The following MFSD12 variants were observed in gnomAD, a reference collection of about 807,000 sequenced individuals.
MFSD12 encodes major facilitator superfamily domain containing 12, also known as major facilitator superfamily domain-containing protein 12.
MFSD12 carries 67 observed loss-of-function variants against 51.2 expected under a neutral mutation model. The observed-to-expected ratio is 1.31, with a 90% CI of 1.08 to 1.60. The LOEUF is 1.60. Among genes scored for constraint, MFSD12 ranks in the 40% most tolerant of loss-of-function variants. The pLI is 0.00. For missense variants in MFSD12, 921 were observed against 673.0 expected (o/e 1.37, Z -4.08); for synonymous variants, 441 against 316.7 (o/e 1.39, Z -4.17).
At chr19:3,543,666 G>A (rs376127420), downstream of MFSD12, 58 of 1,539,964 alleles carry the variant, frequency 3.8e-5, 1 homozygote, top group East Asian at 4.4e-4. Flanking sequence ...AGGCCAATCC[G>A]GGGCAAGGAA....
chr19:3,552,786 T>C (rs1568261974), intron 1 of MFSD12, among the ~76,000 whole-genome samples: 1 of 152,160 alleles, frequency 6.6e-6, no homozygotes, highest in Non-Finnish European at 1.5e-5. Flanking sequence ...TACCGGCTGT[T>C]ACTTCAGTAT....
downstream of MFSD12, among the ~76,000 whole-genome samples, chr19:3,540,414 T>C (rs528370299): frequency 1.4e-4 from 21 of 151,704 alleles, no homozygotes; most frequent in Middle Eastern, 3.4e-3. Context: ...TGCGCTACCA[T>C]GCCCAGCTAA....
rs201569695 is a variant in MFSD12 at position 3,551,183 on chromosome 19, C to T, written c.310G>A (p.Val104Ile). Residue 104 changes from valine to isoleucine, a missense_variant, in exon 2 of 10, where the codon GTC becomes ATC. Val to Ile is a conservative substitution (Grantham distance 29). Coordinates refer to ENST00000355415, the MANE Select transcript of MFSD12 (RefSeq NM_174983.5). The surrounding 1 kb of genome is among the most constrained non-coding windows in gnomAD (Gnocchi z 4.6). ...KAWHLVGTVC[V>I]LLSFPFIFSP... ...AAGATGAAGGGGAAGGACAGCAGGACGCAGACGGTGCCTGTGGAAGGCAGA... is the reference window on the plus strand; with the variant it reads ...AAGATGAAGGGGAAGGACAGCAGGATGCAGACGGTGCCTGTGGAAGGCAGA... 5.6e-5 allele frequency: 90 copies of T among 1,607,108 alleles called. No homozygotes were observed. The highest frequency in any genetic ancestry group is 7.3e-5 in the Non-Finnish European group (86 of 1,177,104).
downstream of MFSD12, chr19:3,542,261 G>C: frequency 2.0e-6 from 2 of 985,378 alleles, no homozygotes; most frequent in Non-Finnish European, 2.4e-6. Flanking sequence ...AACTGACCAG[G>C]CTACTCCCAT....
In MFSD12 at chr19:3,539,175, G is replaced by A. The variant is rs1036241370; in HGVS notation, c.*6-419C>T. ...GGCAGGAGCCCGGGGGATCCAGGCAGACATGCAAACCCTCAGGCAAGAGGC... is the reference window on the plus strand; with the variant it reads ...GGCAGGAGCCCGGGGGATCCAGGCAAACATGCAAACCCTCAGGCAAGAGGC... On this transcript the variant is annotated intron_variant, in intron 4 of 4. Transcript: ENST00000398558. 3.9e-6 allele frequency: 6 copies of A among 1,549,464 alleles called. No individual in the cohort carries two copies. In the East Asian group the frequency reaches 1.5e-4, roughly 38 times the overall value.
chr19:3,539,222 G>A (rs573806279), downstream of MFSD12: 497 of 1,550,630 alleles, frequency 3.2e-4, 3 homozygotes, highest in South Asian at 2.9e-3. Context: ...GTATCCCCTC[G>A]GGGACCCTCG....
Position 3,546,367 on chromosome 19 carries a change from G to A in MFSD12, c.1082C>T (p.Ala361Val), listed in dbSNP as rs569176426. ...ILAFAAWVALAEGLGVAVYAA... is the reference protein window; with the variant it reads ...ILAFAAWVALVEGLGVAVYAA... ...GTACACGGCCACACCCAGTCCCTCC[G>A]CCAGCGCCACCCAGGCGGCAAAGGC... is the stretch of plus-strand genomic sequence containing the variant. Residue 361 changes from alanine (A) to valine (V), a missense_variant, in exon 7 of 10, where the codon GCG becomes GTG. Ala to Val is a moderately conservative substitution (Grantham distance 64). Transcript: ENST00000355415. 6.9e-5 allele frequency: 111 copies of A among 1,607,684 alleles called. No homozygotes were observed. Among genetic ancestry groups the A allele is most frequent in the East Asian group, 3.1e-4 (14 of 44,622 alleles).
rs779031330 is a variant in MFSD12 at position 3,544,820 on chromosome 19, CGGGTCGG to C, written c.1402_1408del (p.Pro468AlafsTer14). On this transcript the variant is annotated frameshift_variant, in exon 9 of 10. Transcript: ENST00000355415. LOFTEE classifies it high-confidence loss of function. Reference sequence around the variant, plus strand: ...GGGCCAGGACTCACAGCGTCGCAGGCGGGTCGGCCACAGCAGGAGGCTACAGAGACAC... The same window carrying C: ...GGGCCAGGACTCACAGCGTCGCAGGCCCACAGCAGGAGGCTACAGAGACAC... 2 of 1,612,076 alleles carry C rather than the reference CGGGTCGG, an allele frequency of 1.2e-6. No homozygotes were observed. The highest frequency in any genetic ancestry group is 1.7e-6 in the Non-Finnish European group (2 of 1,179,408).
downstream of MFSD12, chr19:3,543,852 G>C: frequency 6.5e-7 from 1 of 1,546,058 alleles, no homozygotes; most frequent in Non-Finnish European, 8.7e-7. Context: ...CCGGTACGGG[G>C]TGGAGCCACT....
chr19:3,543,549 C>A (rs567820028), downstream of MFSD12: 8 of 1,533,880 alleles, frequency 5.2e-6, no homozygotes, highest in African/African-American at 9.6e-5. Flanking sequence ...CCCCGCCCCA[C>A]CGCAGCCTAC....
Position 3,544,834 on chromosome 19 carries a change from CAGGAGGCTACAGA to C in MFSD12, c.1382_1394del (p.Leu461ArgfsTer19). On this transcript the variant is annotated frameshift_variant, in exon 9 of 10. Coordinates refer to ENST00000355415, the MANE Select transcript of MFSD12 (RefSeq NM_174983.5). LOFTEE classifies it high-confidence loss of function. Reference sequence around the variant, plus strand: ...AGCGTCGCAGGCGGGTCGGCCACAGCAGGAGGCTACAGAGACACAGGGCAGCGGCCACGCCCAC... The same window carrying C: ...AGCGTCGCAGGCGGGTCGGCCACAGCGACACAGGGCAGCGGCCACGCCCAC... 4 of 1,612,430 alleles carry C rather than the reference CAGGAGGCTACAGA, an allele frequency of 2.5e-6. No individual in the cohort carries two copies. The highest frequency in any genetic ancestry group is 3.4e-6 in the Non-Finnish European group (4 of 1,179,662).
intron 2 of MFSD12, 145 bp downstream of exon 2, chr19:3,550,839 T>C: frequency 1.5e-6 from 1 of 686,010 alleles, no homozygotes; most frequent in African/African-American, 1.8e-5. Flanking sequence ...GGCAACAGAG[T>C]GAGACCCCCT....
At chr19:3,548,755 G>A (rs1044258057) in intron 2 of MFSD12, among the ~76,000 whole-genome samples, 1 of 152,202 alleles carries the variant, frequency 6.6e-6, no homozygotes, top group Non-Finnish European at 1.5e-5. Flanking sequence ...GCCACCTCCA[G>A]AGGCCACGTG....
At chr19:3,540,446 C>T (rs143186850), downstream of MFSD12, among the ~76,000 whole-genome samples, 2,971 of 151,342 alleles carry the variant, frequency 0.02, 98 homozygotes, top group African/African-American at 0.068. Context: ...TTAGTAGAGA[C>T]GGGGTTTCAC....
At chr19:3,546,967 G>A (rs2031113409) in intron 6 of MFSD12, among the ~76,000 whole-genome samples, 1 of 152,122 alleles carries the variant, frequency 6.6e-6, no homozygotes, top group South Asian at 2.1e-4. Flanking sequence ...CCGAATAGCT[G>A]GGACTACAGG....
In MFSD12 at chr19:3,548,124, C is replaced by A; in HGVS notation, c.653G>T (p.Arg218Leu). 1 of 1,606,502 alleles carries A rather than the reference C, an allele frequency of 6.2e-7. No homozygotes were observed. ...QLGGQDVPVFRNLSLLVVGVG... is the reference protein window; with the variant it reads ...QLGGQDVPVFLNLSLLVVGVG... Reference sequence around the variant, plus strand: ...CGACCCACCCGGACTCCAGCTCACCCGGAACACGGGCACGTCCTGGCCCCC... The same window carrying A: ...CGACCCACCCGGACTCCAGCTCACCAGGAACACGGGCACGTCCTGGCCCCC... Residue 218 changes from arginine (R) to leucine (L), a missense_variant and splice_region_variant, in exon 3 of 10, where the codon CGG (arginine) becomes CTG (leucine). By Grantham distance (102) the Arg-to-Leu change is moderately radical. Coordinates refer to ENST00000355415, the MANE Select transcript of MFSD12 (RefSeq NM_174983.5).
chr19:3,543,486 C>G (rs755094252), downstream of MFSD12: 2 of 1,518,244 alleles, frequency 1.3e-6, no homozygotes, highest in African/African-American at 1.4e-5. Flanking sequence ...GAGTGCCCCC[C>G]CCCCCGCCCT....
rs1195149558 is a variant in MFSD12 at position 3,551,247 on chromosome 19, C to T, written c.299-53G>A. ...GGGCTGTCCCGCACCAGCCAGGGCT[C>T]CCAGGGTGAGGACATGGAGGGAGGA... On this transcript the variant is annotated intron_variant, in intron 1 of 9. Transcript: ENST00000355415. The surrounding 1 kb of genome is among the most constrained non-coding windows in gnomAD (Gnocchi z 4.6). 2 of 1,432,854 alleles carry T rather than the reference C, an allele frequency of 1.4e-6. No individual in the cohort carries two copies. Among genetic ancestry groups the T allele is most frequent in the African/African-American group, 1.4e-5 (1 of 70,740 alleles). 88.8% of individuals were successfully genotyped at this position (1,432,854 alleles called of 1,614,324 possible). A position where few individuals can be genotyped will look rare whatever the true frequency, so the allele number is the denominator to read the frequency against.
At chr19:3,543,712 G>C (rs1336599911), downstream of MFSD12, 3 of 1,502,246 alleles carry the variant, frequency 2.0e-6, no homozygotes, top group South Asian at 3.9e-5. Flanking sequence ...GTCCTTGGGA[G>C]GCCAGGGGGA....
Sources: allele counts gnomAD v4.1 joint callset (sites outside exome capture counted in the v4.1 genomes callset), GRCh38; gene constraint gnomAD v4.1.1; non-coding constraint Gnocchi (gnomAD v3.1); transcripts MANE v1.5; gene names NCBI Gene and HGNC (gene_info 2026-07-23, HGNC 2026-07-21).